BMP7: variants seen among roughly 807,000 people sequenced by gnomAD.
The protein encoded by BMP7 is bone morphogenetic protein 7, also known as osteogenic protein 1.
A neutral mutation model predicts 41.2 loss-of-function variants in BMP7; 12 were observed. The observed-to-expected ratio is 0.29, with a 90% CI of 0.19 to 0.47. The LOEUF is 0.47. Ranked by LOEUF, BMP7 falls within the 20% of genes least tolerant of loss-of-function variation. The probability of loss-of-function intolerance (pLI) is 0.99; values close to 1 mark genes in which losing one functional copy is unlikely to be tolerated. For missense variants in BMP7, 467 were observed against 606.0 expected, an observed-to-expected ratio of 0.77 and a Z score of 2.41; for synonymous variants, 248 against 250.0, an observed-to-expected ratio of 0.99 and a Z score of 0.07.
intron 1 of BMP7, among the ~76,000 whole-genome samples, chr20:57,262,631 C>T (rs1025059112): frequency 3.3e-5 from 5 of 152,116 alleles, no homozygotes; most frequent in Non-Finnish European, 5.9e-5. Context: ...AAGGGTCCCC[C>T]CTCCCGCGCA....
chr20:57,203,566 T>G (rs551290516), intron 2 of BMP7, among the ~76,000 whole-genome samples: 1 of 152,146 alleles, frequency 6.6e-6, no homozygotes, highest in African/African-American at 2.4e-5. Context: ...GATGGATGAA[T>G]GGGTAGATGA....
intron 1 of BMP7, among the ~76,000 whole-genome samples, chr20:57,262,124 C>T (rs936568785): frequency 1.2e-4 from 19 of 152,202 alleles, no homozygotes; most frequent in African/African-American, 3.6e-4. Context: ...TAGTGCCAGC[C>T]GGCTACTTTA....
At chr20:57,263,033 G>C (rs1196520368) in intron 1 of BMP7, among the ~76,000 whole-genome samples, 1 of 152,206 alleles carries the variant, frequency 6.6e-6, no homozygotes, top group Non-Finnish European at 1.5e-5. Flanking sequence ...TTTGTGTGCT[G>C]CTGCTTAGCA....
At chr20:57,235,332 T>TG (rs1274646574) in intron 1 of BMP7, among the ~76,000 whole-genome samples, 8 of 152,226 alleles carry the variant, frequency 5.3e-5, no homozygotes, top group Non-Finnish European at 1.2e-4. Flanking sequence ...TGCATACTCT[T>TG]GTGCATGGCT....
chr20:57,212,406 C>T (rs1286787550), intron 2 of BMP7, among the ~76,000 whole-genome samples: 2 of 152,142 alleles, frequency 1.3e-5, no homozygotes, highest in Admixed American at 6.6e-5. Context: ...GCTGGGAAGC[C>T]GGGAGGAGTT....
chr20:57,249,727 C>T (rs909218091), intron 1 of BMP7, among the ~76,000 whole-genome samples: 4 of 152,272 alleles, frequency 2.6e-5, no homozygotes, highest in Admixed American at 2.6e-4. Flanking sequence ...ATCATCAGGC[C>T]ATTGTCATGT....
Position 57,243,012 on chromosome 20 carries a change from A to T in BMP7, c.419-14591T>A, listed in dbSNP as rs183813707. ...AGCAAAAATTCCATCTCAAAAAATAAAATAAAATCTAAACAGCTGTATGTG... is the reference window on the plus strand; with the variant it reads ...AGCAAAAATTCCATCTCAAAAAATATAATAAAATCTAAACAGCTGTATGTG... On this transcript the variant is annotated intron_variant, in intron 1 of 6. Coordinates refer to ENST00000395863, the MANE Select transcript of BMP7 (RefSeq NM_001719.3). Among the ~76,000 whole-genome samples the T allele has an allele frequency of 5.3e-5, 8 of 152,196 alleles. No homozygotes were observed. In the East Asian group the frequency reaches 1.4e-3, roughly 26 times the overall value.
At chr20:57,172,473 G>C (rs1010920690) in intron 6 of BMP7, among the ~76,000 whole-genome samples, 1 of 152,216 alleles carries the variant, frequency 6.6e-6, no homozygotes, top group African/African-American at 2.4e-5. Flanking sequence ...TGAAAGGAGG[G>C]AGTAGTCCTG....
rs377245196 is a variant in BMP7, at chr20:57,216,597, GCTGTCTCCTGAGGGTGAGGGA to G, written c.611+11611_611+11631del. On this transcript the variant is annotated intron_variant, in intron 2 of 6. Coordinates refer to ENST00000395863, the MANE Select transcript of BMP7 (RefSeq NM_001719.3). ...AGGGGCTGTCTCTTGAGGGCGAGGG[GCTGTCTCCTGAGGGTGAGGGA>G]CTGTCTCCTGAGGGTGAGGGGGCTG... 8.6e-3 allele frequency among the ~76,000 whole-genome samples: 1,280 copies of G among 149,012 alleles called. 22 individuals carry two copies. Among genetic ancestry groups the G allele is most frequent in the African/African-American group, 0.028 (1,123 of 40,726 alleles).
intron 1 of BMP7, among the ~76,000 whole-genome samples, chr20:57,251,527 A>G: frequency 6.6e-6 from 1 of 152,216 alleles, no homozygotes; most frequent in East Asian, 1.9e-4. Flanking sequence ...CCGAGGGGAC[A>G]TCCTTTAACC....
rs763975815 is a variant in BMP7 at position 57,173,202 on chromosome 20, G to C, written c.1144C>G (p.Leu382Val). The C allele has an allele frequency of 1.2e-6, 2 of 1,613,576 alleles. No homozygotes were observed. The highest frequency in any genetic ancestry group is 2.2e-5 in the South Asian group (2 of 91,076). ...CCCCAAGATGGCGTGACACCCACCA[G>C]CGTCTGCACGATGGCGTGGTTGGTG... ...NATNHAIVQTLVHFINPETVP... is the reference protein window; with the variant it reads ...NATNHAIVQTVVHFINPETVP... Residue 382 changes from leucine to valine, a missense_variant and splice_region_variant, in exon 6 of 7, where the codon CTG becomes GTG. This residue lies in a region of BMP7 where 60 missense variants were observed against 120.1 expected (regional missense o/e 0.50). Transcript: ENST00000395863.
At chr20:57,216,922 T>C (rs1985046541) in intron 2 of BMP7, among the ~76,000 whole-genome samples, 1 of 152,132 alleles carries the variant, frequency 6.6e-6, no homozygotes, top group Non-Finnish European at 1.5e-5. Flanking sequence ...TGTGGTGGCA[T>C]CTGCAGAGAA....
rs974310484 is a variant in BMP7 at position 57,213,020 on chromosome 20, T to C, written c.612-10397A>G. Among the ~76,000 whole-genome samples the C allele has an allele frequency of 9.9e-5, 15 of 152,250 alleles. No individual in the cohort carries two copies. The highest frequency in any genetic ancestry group is 6.5e-4 in the Admixed American group (10 of 15,294). On this transcript the variant is annotated intron_variant, in intron 2 of 6. Transcript: ENST00000395863. This position sits in a 1 kb window ranked among gnomAD's most constrained non-coding sequence, Gnocchi z 4.4. ...AATACACTTTCTTGAAGACGGTGCA[T>C]ATCCAGGAAGGCTAAAATTAAAGCT...
Position 57,260,151 on chromosome 20 carries a change from C to T in BMP7, c.418+5554G>A, listed in dbSNP as rs117446609. Reference sequence around the variant, plus strand: ...GTGCCTTGAGCTGCCCAGTACATGACCCTTGCATGCTGTGAGAACAGGCTC... The same window carrying T: ...GTGCCTTGAGCTGCCCAGTACATGATCCTTGCATGCTGTGAGAACAGGCTC... On this transcript the variant is annotated intron_variant, in intron 1 of 6. Coordinates refer to ENST00000395863, the MANE Select transcript of BMP7 (RefSeq NM_001719.3). Among the ~76,000 whole-genome samples, 14 of 152,302 alleles carry T rather than the reference C, an allele frequency of 9.2e-5. No homozygotes were observed. In the East Asian group the frequency reaches 1.4e-3, roughly 15 times the overall value.
intron 1 of BMP7, among the ~76,000 whole-genome samples, chr20:57,263,870 G>C (rs558155432): frequency 3.4e-4 from 52 of 151,876 alleles, no homozygotes; most frequent in African/African-American, 1.2e-3. Flanking sequence ...CTCCCACTCC[G>C]TAAGCCCCAG....
intron 3 of BMP7, among the ~76,000 whole-genome samples, chr20:57,196,461 GAACAGTCCTTGCCTCATTGTAGGGGCAC>G (rs1032911048): frequency 1.2e-4 from 18 of 152,292 alleles, no homozygotes; most frequent in African/African-American, 4.1e-4. Context: ...CTGCTGCTTC[GAACAGTCCTTGCCTCATTGTAGGGGCAC>G]AACAGTCCTT....
intron 3 of BMP7, among the ~76,000 whole-genome samples, chr20:57,193,337 G>A (rs796081251): frequency 1.2e-4 from 19 of 152,288 alleles, no homozygotes; most frequent in African/African-American, 4.3e-4. Context: ...TGTCGTAACT[G>A]AGCAGTTGCT....
In BMP7 at chr20:57,171,843, A is replaced by G. The variant is rs149278481; in HGVS notation, c.1147-735T>C. Among the ~76,000 whole-genome samples, 100 of 152,302 alleles carry G rather than the reference A, an allele frequency of 6.6e-4. No homozygotes were observed. Among genetic ancestry groups the G allele is most frequent in the African/African-American group, 2.3e-3 (95 of 41,556 alleles). ...GGCCAGCATGCTTTTTACACATTTT[A>G]TGATGGACAATTTCAAACTCTTACA... On this transcript the variant is annotated intron_variant, in intron 6 of 6. Transcript: ENST00000395863. This position sits in a 1 kb window ranked among gnomAD's most constrained non-coding sequence, Gnocchi z 4.5.
chr20:57,224,991 C>A lies in BMP7; in HGVS notation c.611+3238G>T, dbSNP rs146611197. Among the ~76,000 whole-genome samples, 4 of 152,242 alleles carry A rather than the reference C, an allele frequency of 2.6e-5. No homozygotes were observed. The highest frequency in any genetic ancestry group is 7.2e-5 in the African/African-American group (3 of 41,468). On this transcript the variant is annotated intron_variant, in intron 2 of 6. Coordinates refer to ENST00000395863, the MANE Select transcript of BMP7 (RefSeq NM_001719.3). This position sits in a 1 kb window ranked among gnomAD's most constrained non-coding sequence, Gnocchi z 4.8. ...AAAGCCGGCTAATCCTCGGCACCCCCGGGGCTTTCCTGGAGCTCAGGCACA... is the reference window on the plus strand; with the variant it reads ...AAAGCCGGCTAATCCTCGGCACCCCAGGGGCTTTCCTGGAGCTCAGGCACA...
Sources: gnomAD v4.1 joint callset for allele counts (sites outside exome capture counted in the v4.1 genomes callset) on GRCh38, gnomAD v4.1.1 for gene constraint, gnomAD v4.1.1 regional missense constraint, Gnocchi (gnomAD v3.1) non-coding constraint, MANE v1.5 for transcripts, NCBI Gene and HGNC (gene_info 2026-07-23, HGNC 2026-07-21) for gene names.